Variants in SUCLG1 observed in about 807,000 individuals in gnomAD.
The protein encoded by SUCLG1 is succinate-CoA ligase GDP/ADP-forming subunit alpha.
Under a neutral mutation model 37.3 loss-of-function variants are expected in SUCLG1, and 26 were observed. The observed-to-expected ratio is 0.70, with a 90% CI of 0.51 to 0.97. The LOEUF is 0.97. Ranked by LOEUF, SUCLG1 falls within the 50% of genes least tolerant of loss-of-function variation. The pLI is 0.00. For missense variants in SUCLG1, 433 were observed against 432.9 expected, an observed-to-expected ratio of 1.00 and a Z score of 0.00; for synonymous variants, 163 against 155.6, an observed-to-expected ratio of 1.05 and a Z score of -0.36.
In SUCLG1 at chr2:84,445,268, C is replaced by T. The variant is rs138128175; in HGVS notation, c.202-1868G>A. Among the ~76,000 whole-genome samples, 537 of 152,276 alleles carry T rather than the reference C, an allele frequency of 3.5e-3. 5 individuals are homozygous for T. Among genetic ancestry groups the T allele is most frequent in the African/African-American group, 0.011 (469 of 41,540 alleles). On this transcript the variant is annotated intron_variant, in intron 2 of 8. Transcript: ENST00000393868. ...ATCTTCACAATTTATGTTCTTCTGC[C>T]GTGGCTTCAGCCGGTCCCTCCGTTC... is the stretch of plus-strand genomic sequence containing the variant.
In SUCLG1 at chr2:84,425,494, T is replaced by C; in HGVS notation, c.935A>G (p.Lys312Arg). 6.2e-7 allele frequency: 1 copy of C among 1,614,194 alleles called. No individual in the cohort carries two copies. The highest frequency in any genetic ancestry group is 8.5e-7 in the Non-Finnish European group (1 of 1,180,042). ...AIIAGGKGGA[K>R]EKISALQSAG... is the part of the protein sequence containing the mutation. ...ACTCTGAAGGGCAGAGATCTTCTCTTTAGCTCCACCTTTTCCTCCAGCAAT... is the reference window on the plus strand; with the variant it reads ...ACTCTGAAGGGCAGAGATCTTCTCTCTAGCTCCACCTTTTCCTCCAGCAAT... Residue 312 changes from lysine (K) to arginine (R), a missense_variant, in exon 8 of 9, where the codon AAA (lysine) becomes AGA (arginine). Coordinates refer to ENST00000393868, the MANE Select transcript of SUCLG1 (RefSeq NM_003849.4).
chr2:84,428,925 A>G (rs1329501499), intron 7 of SUCLG1, among the ~76,000 whole-genome samples: 1 of 152,216 alleles, frequency 6.6e-6, no homozygotes, highest in East Asian at 1.9e-4. Context: ...CGTTTGCTGT[A>G]TACCTACCAT....
At chr2:84,457,141 C>CT (rs1478580422) in intron 1 of SUCLG1, among the ~76,000 whole-genome samples, 8 of 152,196 alleles carry the variant, frequency 5.3e-5, no homozygotes, top group African/African-American at 1.7e-4. Context: ...ATCTGTAGCT[C>CT]TATTAGCTTC....
At chr2:84,444,047 G>C (rs373305574) in intron 2 of SUCLG1, among the ~76,000 whole-genome samples, 4 of 152,182 alleles carry the variant, frequency 2.6e-5, no homozygotes, top group African/African-American at 9.6e-5. Flanking sequence ...GCATCCATGG[G>C]CTCCACTCAT....
At chr2:84,441,206 A>G (rs1221523882) in intron 4 of SUCLG1, 41 bp downstream of exon 4, 4 of 1,613,414 alleles carry the variant, frequency 2.5e-6, no homozygotes, top group Non-Finnish European at 3.4e-6. Flanking sequence ...TAGCCTTGTG[A>G]GAGGCTTAAT....
intron 5 of SUCLG1, 72 bp from the exon 6 acceptor site, chr2:84,433,507 C>T (rs2104245351): frequency 7.8e-7 from 1 of 1,287,842 alleles, no homozygotes; most frequent in Middle Eastern, 1.8e-4. Flanking sequence ...AACTAAATTA[C>T]CAAACACTTC....
intron 5 of SUCLG1, among the ~76,000 whole-genome samples, chr2:84,437,904 C>G (rs1381308385): frequency 1.3e-5 from 2 of 152,170 alleles, no homozygotes; most frequent in African/African-American, 2.4e-5. Flanking sequence ...ACCATTGATA[C>G]ACAACAAGCT....
At chr2:84,440,906 T>TA in intron 5 of SUCLG1, 141 bp downstream of exon 5, 2 of 772,058 alleles carry the variant, frequency 2.6e-6, no homozygotes, top group South Asian at 1.6e-5. Context: ...ACAGAATTGA[T>TA]AGACTACAAA....
intron 5 of SUCLG1, 61 bp from the exon 6 acceptor site, chr2:84,433,496 A>C: frequency 7.1e-7 from 1 of 1,408,840 alleles, no homozygotes; most frequent in Admixed American, 1.7e-5. Flanking sequence ...AAAACATGGT[A>C]AACTAAATTA....
chr2:84,448,989 T>C, intron 2 of SUCLG1: 1 of 379,902 alleles, frequency 2.6e-6, no homozygotes, highest in Non-Finnish European at 5.4e-6. Flanking sequence ...AAGATTCTTA[T>C]GTGGCATTTT....
intron 1 of SUCLG1, among the ~76,000 whole-genome samples, chr2:84,457,570 T>C (rs147252863): frequency 1.3e-5 from 2 of 152,218 alleles, no homozygotes; most frequent in Non-Finnish European, 2.9e-5. Flanking sequence ...TCTCTAGATT[T>C]TTCTAGACAG....
chr2:84,433,485 T>G, intron 5 of SUCLG1, 50 bp from the exon 6 acceptor site: 1 of 1,473,604 alleles, frequency 6.8e-7, no homozygotes. Context: ...TATGTTAGAC[T>G]AAAACATGGT....
rs369370817 is a variant in SUCLG1 at position 84,431,515 on chromosome 2, T to C, written c.818A>G (p.His273Arg). 1.9e-6 allele frequency: 3 copies of C among 1,613,908 alleles called. No homozygotes were observed. The highest frequency in any genetic ancestry group is 1.3e-5 in the African/African-American group (1 of 74,938). ...TTCCAAACCCAAACTTACTGAATTA[T>C]GTTGCTTCAAAAATTCTGCAGCATT... ...EENAAEFLKQ[H>R]NSGPNSKPVV... The change falls in exon 7 of 9, where the codon CAT (histidine) becomes CGT (arginine). Residue 273 changes from histidine to arginine, a missense_variant. Physicochemically the swap from His to Arg is conservative, Grantham distance 29. Transcript: ENST00000393868.
chr2:84,440,717 C>T (rs578040824), intron 5 of SUCLG1, among the ~76,000 whole-genome samples: 1 of 152,248 alleles, frequency 6.6e-6, no homozygotes, highest in South Asian at 2.1e-4. Flanking sequence ...ACAGAATACT[C>T]CTTAGCAATA....
In SUCLG1 at chr2:84,455,792, C is replaced by T. The variant is rs577666215; in HGVS notation, c.97+3381G>A. 5.3e-4 allele frequency among the ~76,000 whole-genome samples: 78 copies of T among 147,686 alleles called. 2 individuals carry two copies. The South Asian group carries it at 9.6e-3, about 18-fold the overall frequency. ...CGGAGCTTGCAGTGAGCAGAGATCA[C>T]GCCACTGCACTCCAGCCTGGGCGAC... On this transcript the variant is annotated intron_variant, in intron 1 of 8. Transcript: ENST00000393868.
chr2:84,431,379 G>A, intron 7 of SUCLG1, 129 bp downstream of exon 7: 1 of 1,127,882 alleles, frequency 8.9e-7, no homozygotes, highest in East Asian at 2.5e-5. Context: ...AGTATAGAAG[G>A]CCCTGCTCAG....
At chr2:84,438,054 A>G (rs888352969) in intron 5 of SUCLG1, among the ~76,000 whole-genome samples, 1 of 152,208 alleles carries the variant, frequency 6.6e-6, no homozygotes, top group African/African-American at 2.4e-5. Flanking sequence ...TCAGGAACTG[A>G]GAAGGGGGTG....
chr2:84,443,331 C>T lies in SUCLG1; in HGVS notation c.271G>A (p.Gly91Arg), dbSNP rs1435874168. The T allele has an allele frequency of 6.2e-7, 1 of 1,614,078 alleles. No homozygotes were observed. Among genetic ancestry groups the T allele is most frequent in the Non-Finnish European group, 8.5e-7 (1 of 1,180,024 alleles). The change falls in exon 3 of 9, where the codon GGA becomes AGA. Residue 91 changes from glycine to arginine, a missense_variant. Transcript: ENST00000393868. ...GGTAAGCCCAGATGTGTCTGGCCTC[C>T]TTTCCCTGGAGTGGTTCCTCCAACG... Reference protein sequence around the residue: ...KLVGGTTPGKGGQTHLGLPVF... With the variant: ...KLVGGTTPGKRGQTHLGLPVF...
Position 84,449,678 on chromosome 2 carries a change from T to C in SUCLG1, c.172A>G (p.Ile58Val), listed in dbSNP as rs1411521117. 3 of 1,602,568 alleles carry C rather than the reference T, an allele frequency of 1.9e-6. No individual in the cohort carries two copies. The highest frequency in any genetic ancestry group is 2.6e-6 in the Non-Finnish European group (3 of 1,175,118). The change falls in exon 2 of 9, where the codon ATT becomes GTT. Residue 58 changes from isoleucine to valine, a missense_variant. Ile to Val is a conservative substitution (Grantham distance 29). Transcript: ENST00000393868. ...QHLYVDKNTK[I>V]ICQGFTGKQG... ...TTGCCAGTGAAACCCTGGCAAATAATCTTTGTATTTTTATCAACATAGAGA... is the reference window on the plus strand; with the variant it reads ...TTGCCAGTGAAACCCTGGCAAATAACCTTTGTATTTTTATCAACATAGAGA...
Sources: allele counts gnomAD v4.1 joint callset (sites outside exome capture counted in the v4.1 genomes callset), GRCh38; gene constraint gnomAD v4.1.1; transcripts MANE v1.5; gene names NCBI Gene and HGNC (gene_info 2026-07-23, HGNC 2026-07-21).